Variants in INSYN1 observed in about 807,000 individuals in gnomAD.
The protein encoded by INSYN1 is UPF0583 protein C15orf59.
In INSYN1, 7 loss-of-function variants were observed where a neutral mutation model predicts 17.1. That is an observed-to-expected ratio of 0.41 (90% CI 0.23 to 0.77). The LOEUF (loss-of-function observed/expected upper bound fraction) is 0.77. Ranked by LOEUF, INSYN1 falls within the 30% of genes least tolerant of loss-of-function variation. The pLI is 0.32. For missense variants in INSYN1, 339 were observed against 400.6 expected, an observed-to-expected ratio of 0.85 and a Z score of 1.31; for synonymous variants, 174 against 166.3, an observed-to-expected ratio of 1.05 and a Z score of -0.36.
chr15:73,744,743 G>GGA (rs1250630080), intron 2 of INSYN1, among the ~76,000 whole-genome samples: 2 of 152,046 alleles, frequency 1.3e-5, no homozygotes, highest in Non-Finnish European at 2.9e-5. Context: ...AAAGAGAGGG[G>GGA]GAGAGAGAGA....
chr15:73,739,838 A>AACATATAT lies in INSYN1; in HGVS notation c.*78_*79insATATATGT, dbSNP rs1376297515. The AACATATAT allele has an allele frequency of 7.0e-6, 1 of 143,830 alleles. No homozygotes were observed. The highest frequency in any genetic ancestry group is 2.1e-4 in the East Asian group (1 of 4,708). 8.9% of individuals were successfully genotyped at this position (143,830 alleles called of 1,614,324 possible). A position where few individuals can be genotyped will look rare whatever the true frequency, so the allele number is the denominator to read the frequency against. On this transcript the variant is annotated 3_prime_UTR_variant, in exon 3 of 3. Transcript: ENST00000569673. Reference sequence around the variant, plus strand: ...ATTTTATTATGACTTCATTTGTTTAAATATATATATATATATATATATATA... The same window carrying AACATATAT: ...ATTTTATTATGACTTCATTTGTTTAAACATATATATATATATATATATATATATATATA...
chr15:73,740,300 C>T lies in INSYN1; in HGVS notation c.499G>A (p.Ala167Thr). 1.2e-6 allele frequency: 2 copies of T among 1,612,796 alleles called. No homozygotes were observed. Among genetic ancestry groups the T allele is most frequent in the South Asian group, 1.1e-5 (1 of 90,892 alleles). ...AGCTGGCTCTTCACCGTGGGGCCAG[C>T]ACCAAAGGCCTCCTCACTGGAGGAG... ...PDSSSEEAFG[A>T]GPTVKSQLPQ... Residue 167 changes from alanine (A) to threonine (T), a missense_variant, in exon 3 of 3, where the codon GCT becomes ACT. Coordinates refer to ENST00000569673, the MANE Select transcript of INSYN1 (RefSeq NM_001039614.3).
rs1901619323 is a variant in INSYN1, at chr15:73,739,624, G to A, written c.*293C>T. The A allele has an allele frequency of 6.5e-6, 1 of 153,226 alleles. No homozygotes were observed. 9.5% of individuals were successfully genotyped at this position (153,226 alleles called of 1,614,324 possible). ...CACAGAGTTCAGGGGCTAGCAAAAG[G>A]AGGATCAGACCTCCCATCAGTTTTA... On this transcript the variant is annotated 3_prime_UTR_variant, in exon 3 of 3. Coordinates refer to ENST00000569673, the MANE Select transcript of INSYN1 (RefSeq NM_001039614.3).
chr15:73,745,906 GC>G (rs1327549089), intron 2 of INSYN1, among the ~76,000 whole-genome samples: 1 of 152,130 alleles, frequency 6.6e-6, no homozygotes, highest in Non-Finnish European at 1.5e-5. Flanking sequence ...ATTGCCAGAC[GC>G]CAACCCTCTC....
rs151112665 is a variant in INSYN1 at position 73,740,709 on chromosome 15, G to A, written c.157-67C>T. The A allele has an allele frequency of 1.1e-4, 137 of 1,260,614 alleles. No individual in the cohort carries two copies. In the African/African-American group the frequency reaches 1.5e-3, roughly 14 times the overall value. 78.1% of individuals were successfully genotyped at this position (1,260,614 alleles called of 1,614,324 possible). On this transcript the variant is annotated intron_variant, in intron 2 of 2. Transcript: ENST00000569673. ...GTCCCTGCATCAGCCAGGTGTGAGT[G>A]TGTCTCCACCCCATCCCTGTAGACC...
intron 2 of INSYN1, among the ~76,000 whole-genome samples, chr15:73,745,574 A>C (rs537452335): frequency 6.6e-6 from 1 of 152,328 alleles, no homozygotes; most frequent in East Asian, 1.9e-4. Context: ...AGTAAACCCC[A>C]TGAGGAGCAG....
Position 73,740,655 on chromosome 15 carries a change from G to A in INSYN1, c.157-13C>T, listed in dbSNP as rs775429307. On this transcript the variant is annotated splice_polypyrimidine_tract_variant and intron_variant, in intron 2 of 2. Transcript: ENST00000569673. The stretch of plus-strand genomic sequence containing the variant: ...TCTGGCTCACCACCTGACCAGGGAA[G>A]GGGAGAGGAGATGAGAGGGGCCAGG... The A allele has an allele frequency of 9.5e-5, 151 of 1,593,400 alleles. No individual in the cohort carries two copies. The highest frequency in any genetic ancestry group is 1.2e-4 in the Non-Finnish European group (146 of 1,168,464).
In INSYN1 at chr15:73,750,990, G is replaced by C. The variant is rs150350273; in HGVS notation, c.141C>G (p.Ala47=). The C allele has an allele frequency of 9.6e-5, 155 of 1,613,996 alleles. No homozygotes were observed. In the Middle Eastern group the frequency reaches 9.9e-4, roughly 10 times the overall value. ...EGILRELKEV[A]KELREVVSQI... Reference sequence around the variant, plus strand: ...CCTCACTTACCTCCCTCAGCTCCTTGGCCACCTCCTTGAGCTCGCGAAGGA... The same window carrying C: ...CCTCACTTACCTCCCTCAGCTCCTTCGCCACCTCCTTGAGCTCGCGAAGGA... Residue 47 remains alanine (A), a synonymous_variant, in exon 2 of 3, where the codon GCC becomes GCG. Transcript: ENST00000569673.
chr15:73,747,607 A>C (rs1901868759), intron 2 of INSYN1, among the ~76,000 whole-genome samples: 1 of 152,196 alleles, frequency 6.6e-6, no homozygotes, highest in East Asian at 1.9e-4. Context: ...CATTTTTACC[A>C]ATGGGAAAAC....
intron 2 of INSYN1, among the ~76,000 whole-genome samples, chr15:73,741,079 C>T (rs72743321): frequency 0.066 from 10,124 of 152,264 alleles, 414 homozygotes; most frequent in Middle Eastern, 0.13. Context: ...AGCTGAGCAG[C>T]CCATGCACCC....
chr15:73,746,509 TCAGA>T (rs1208005124), intron 2 of INSYN1, among the ~76,000 whole-genome samples: 1 of 152,152 alleles, frequency 6.6e-6, no homozygotes, highest in Non-Finnish European at 1.5e-5. Flanking sequence ...CCTGCCACCT[TCAGA>T]CAAAGCCCCT....
Position 73,753,211 on chromosome 15 carries a change from G to T in INSYN1, c.-1669C>A, listed in dbSNP as rs1596042043. 6.9e-6 allele frequency among the ~76,000 whole-genome samples: 1 copy of T among 144,682 alleles called. No individual in the cohort carries two copies. Among genetic ancestry groups the T allele is most frequent in the Non-Finnish European group, 1.5e-5 (1 of 65,218 alleles). The allele number at this position is 144,682 out of a possible 152,430, so 94.9% of individuals were successfully genotyped here. ...GGGCCCGCTCCCCAAGCGCCGCGGCGCCGCGCCGCCCGCGCCCCGGCCGCC... is the reference window on the plus strand; with the variant it reads ...GGGCCCGCTCCCCAAGCGCCGCGGCTCCGCGCCGCCCGCGCCCCGGCCGCC... On this transcript the variant is annotated 5_prime_UTR_variant, in exon 1 of 3. Coordinates refer to ENST00000569673, the MANE Select transcript of INSYN1 (RefSeq NM_001039614.3). This position sits in a 1 kb window ranked among gnomAD's most constrained non-coding sequence, Gnocchi z 4.2.
At chr15:73,742,456 C>T (rs1901713524) in intron 2 of INSYN1, among the ~76,000 whole-genome samples, 2 of 152,146 alleles carry the variant, frequency 1.3e-5, no homozygotes, top group Admixed American at 6.5e-5. Flanking sequence ...ATGACACCAC[C>T]TCCCATCTCT....
In INSYN1 at chr15:73,739,164, G is replaced by C. The variant is rs1412878510; in HGVS notation, c.*753C>G. The C allele has an allele frequency of 6.6e-6, 1 of 152,434 alleles. No homozygotes were observed. Among genetic ancestry groups the C allele is most frequent in the Non-Finnish European group, 1.5e-5 (1 of 68,182 alleles). The allele number at this position is 152,434 out of a possible 1,614,324, so 9.4% of individuals were successfully genotyped here. A position where few individuals can be genotyped will look rare whatever the true frequency, so the allele number is the denominator to read the frequency against. On this transcript the variant is annotated 3_prime_UTR_variant, in exon 3 of 3. Transcript: ENST00000569673. ...CCAGGACTGGCTGAGGCTTTGCCCT[G>C]AGGTTTTGGTCTTGGTCTCAGAATC...
intron 2 of INSYN1, 62 bp downstream of exon 2, chr15:73,750,913 T>C (rs1596040752): frequency 2.5e-6 from 4 of 1,590,520 alleles, no homozygotes; most frequent in Non-Finnish European, 3.4e-6. Flanking sequence ...GAGTACGTTT[T>C]TGTGCCAAAC....
chr15:73,743,907 T>C (rs1448628603), intron 2 of INSYN1, among the ~76,000 whole-genome samples: 5 of 139,012 alleles, frequency 3.6e-5, no homozygotes, highest in African/African-American at 1.4e-4. Flanking sequence ...AGAGTCAAGA[T>C]AGCTAAATAC....
At chr15:73,743,059 C>T (rs1901729048) in intron 2 of INSYN1, among the ~76,000 whole-genome samples, 2 of 152,204 alleles carry the variant, frequency 1.3e-5, no homozygotes, top group Non-Finnish European at 2.9e-5. Context: ...GCTATGCCCT[C>T]AAATGAGACT....
chr15:73,751,383 G>C lies in INSYN1; in HGVS notation c.-253C>G, dbSNP rs1298394078. 3 of 514,154 alleles carry C rather than the reference G, an allele frequency of 5.8e-6. No homozygotes were observed. The highest frequency in any genetic ancestry group is 1.1e-5 in the Non-Finnish European group (3 of 283,292). 31.8% of individuals were successfully genotyped at this position (514,154 alleles called of 1,614,324 possible). ...GGGTCAAGGTGAGGACACAGGAGAG[G>C]AGGGGGAGGGACCTTGGGTCCCAGG... On this transcript the variant is annotated 5_prime_UTR_variant, in exon 2 of 3. Transcript: ENST00000569673.
rs144142309 is a variant in INSYN1, at chr15:73,740,437, G to A, written c.362C>T (p.Pro121Leu). The A allele has an allele frequency of 3.0e-3, 4,802 of 1,613,784 alleles. 14 individuals carry two copies. Among genetic ancestry groups the A allele is most frequent in the Non-Finnish European group, 3.6e-3 (4,263 of 1,179,970 alleles). Reference protein sequence around the residue: ...EFCSFLDVSTPSDSVDGPEST... With the variant: ...EFCSFLDVSTLSDSVDGPEST... ...CTCGGGACCATCCACGGAGTCCGAG[G>A]GGGTAGAGACGTCCAGGAAGGAGCA... The change falls in exon 3 of 3, where the codon CCC becomes CTC. Residue 121 changes from proline to leucine, a missense_variant. Pro to Leu is a moderately conservative substitution (Grantham distance 98, BLOSUM62 -3). Coordinates refer to ENST00000569673, the MANE Select transcript of INSYN1 (RefSeq NM_001039614.3).
Sources: allele counts gnomAD v4.1 joint callset (sites outside exome capture counted in the v4.1 genomes callset), GRCh38; gene constraint gnomAD v4.1.1; non-coding constraint Gnocchi (gnomAD v3.1); transcripts MANE v1.5; gene names NCBI Gene and HGNC (gene_info 2026-07-23, HGNC 2026-07-21).